SLC6A6: variants seen among roughly 807,000 people sequenced by gnomAD.
SLC6A6 encodes the protein sodium- and chloride-dependent taurine transporter.
Under a neutral mutation model 68.8 loss-of-function variants are expected in SLC6A6, and 16 were observed. The ratio of observed to expected loss-of-function variants is 0.23; its 90% CI spans 0.16 to 0.35. The LOEUF (loss-of-function observed/expected upper bound fraction) is 0.35, where lower values mean the gene tolerates loss of function less well. Among genes scored for constraint, SLC6A6 ranks in the 10% least tolerant of loss-of-function variants. The pLI, the probability that SLC6A6 is intolerant of heterozygous loss-of-function variation, is 1.00. For missense variants in SLC6A6, 474 were observed against 802.8 expected (o/e 0.59, Z 4.95); for synonymous variants, 312 against 315.4 (o/e 0.99, Z 0.12).
At position 14,488,271 on chromosome 3, in the gene SLC6A6, G is replaced by A. The variant is rs1363269288; in HGVS notation, c.*3264G>A. ...CTCCTTCCAGGACAGCATAACCCCT[G>A]GGCCATGTGCAGCTCCTTCACTGCC... On this transcript the variant is annotated 3_prime_UTR_variant, in exon 15 of 15. Transcript: ENST00000622186. 3 of 152,530 alleles carry A rather than the reference G, an allele frequency of 2.0e-5. No individual in the cohort carries two copies. The highest frequency in any genetic ancestry group is 4.4e-5 in the Non-Finnish European group (3 of 68,272). The allele number at this position is 152,530 out of a possible 1,614,324, so 9.4% of individuals were successfully genotyped here. A position where few individuals can be genotyped will look rare whatever the true frequency, so the allele number is the denominator to read the frequency against.
At chr3:14,452,018 C>T (rs1700263114) in intron 5 of SLC6A6, among the ~76,000 whole-genome samples, 1 of 152,168 alleles carries the variant, frequency 6.6e-6, no homozygotes, top group African/African-American at 2.4e-5. Context: ...CTGGCAGGTG[C>T]TGCTGGCAGG....
intron 2 of SLC6A6, among the ~76,000 whole-genome samples, chr3:14,419,645 G>A (rs1270358754): frequency 1.3e-5 from 2 of 152,196 alleles, no homozygotes; most frequent in Non-Finnish European, 2.9e-5. Flanking sequence ...TGGCACCCAG[G>A]AGGGTTAGAA....
rs1311253785 is a variant in SLC6A6, at chr3:14,468,306, AG to A, written c.1096+100del. On this transcript the variant is annotated intron_variant, in intron 9 of 14. Coordinates refer to ENST00000622186, the MANE Select transcript of SLC6A6 (RefSeq NM_003043.6). The surrounding 1 kb of genome is among the most constrained non-coding windows in gnomAD (Gnocchi z 4.5). ...TGAAGCCAGACCCCAGGGGGCTTTG[AG>A]GGGGGACGAGCCTGGTTTCTAAAAT... The A allele has an allele frequency of 9.7e-6, 10 of 1,032,306 alleles. No individual in the cohort carries two copies. Among genetic ancestry groups the A allele is most frequent in the Admixed American group, 7.2e-5 (2 of 27,896 alleles). The allele number at this position is 1,032,306 out of a possible 1,614,324, so 63.9% of individuals were successfully genotyped here.
At chr3:14,409,943 T>G (rs1699206428) in intron 1 of SLC6A6, among the ~76,000 whole-genome samples, 1 of 152,136 alleles carries the variant, frequency 6.6e-6, no homozygotes, top group African/African-American at 2.4e-5. Flanking sequence ...ATCCCAGCAC[T>G]TTGGGAGGCC....
At chr3:14,444,708 C>T (rs760057758) in intron 3 of SLC6A6, 8 of 456,386 alleles carry the variant, frequency 1.8e-5, no homozygotes, top group South Asian at 1.1e-4. Flanking sequence ...GGAATTTTCC[C>T]TTAGAGCCTG....
At chr3:14,427,102 T>A (rs1367513242) in intron 2 of SLC6A6, among the ~76,000 whole-genome samples, 1 of 152,080 alleles carries the variant, frequency 6.6e-6, no homozygotes. Flanking sequence ...GGGTGCTGGG[T>A]GTCTTCCGCA....
At position 14,468,340 on chromosome 3, in the gene SLC6A6, C is replaced by CCG. The variant is rs1553578772; in HGVS notation, c.1096+129_1096+130insGC. ...GAGCCTGGTTTCTAAAATGGACCCC[C>CCG]CCCCCGCCACCAAGATATCCCCCAA... On this transcript the variant is annotated intron_variant, in intron 9 of 14. Coordinates refer to ENST00000622186, the MANE Select transcript of SLC6A6 (RefSeq NM_003043.6). This position sits in a 1 kb window ranked among gnomAD's most constrained non-coding sequence, Gnocchi z 4.5. 31 of 728,452 alleles carry CCG rather than the reference C, an allele frequency of 4.3e-5. No homozygotes were observed. The highest frequency in any genetic ancestry group is 5.6e-5 in the African/African-American group (3 of 53,674). The allele number at this position is 728,452 out of a possible 1,614,324, so 45.1% of individuals were successfully genotyped here.
At chr3:14,454,294 G>C (rs1700320304) in intron 5 of SLC6A6, among the ~76,000 whole-genome samples, 1 of 152,176 alleles carries the variant, frequency 6.6e-6, no homozygotes, top group Admixed American at 6.5e-5. Context: ...TGTGCTGGGA[G>C]AGCTGTGTTA....
chr3:14,478,555 T>C lies in SLC6A6; in HGVS notation c.1437T>C (p.Ile479=), dbSNP rs772199160. The part of the protein sequence containing the change: ...LWVAFFECFV[I]AWIYGGDNLY... Reference sequence around the variant, plus strand: ...TTGCATTCTTTGAATGTTTTGTTATTGCCTGGATATATGGTGAGTACAGAT... The same window carrying C: ...TTGCATTCTTTGAATGTTTTGTTATCGCCTGGATATATGGTGAGTACAGAT... Residue 479 remains isoleucine, a synonymous_variant, in exon 12 of 15, where the codon ATT becomes ATC. Transcript: ENST00000622186. The C allele has an allele frequency of 1.9e-6, 3 of 1,600,518 alleles. No individual in the cohort carries two copies. In the Admixed American group the frequency reaches 5.0e-5, roughly 27 times the overall value.
intron 9 of SLC6A6, among the ~76,000 whole-genome samples, chr3:14,469,566 G>C (rs1306720354): frequency 6.6e-6 from 1 of 152,166 alleles, no homozygotes; most frequent in Non-Finnish European, 1.5e-5. Context: ...GGGATAGGTG[G>C]GGCTACAACA....
At chr3:14,466,959 G>A (rs536371157) in intron 7 of SLC6A6, among the ~76,000 whole-genome samples, 10 of 152,314 alleles carry the variant, frequency 6.6e-5, no homozygotes, top group Non-Finnish European at 8.8e-5. Context: ...CAAGTCTCCC[G>A]CTCGGACCCA....
intron 2 of SLC6A6, among the ~76,000 whole-genome samples, chr3:14,431,087 C>CAG (rs1553570404): frequency 6.6e-6 from 1 of 151,956 alleles, no homozygotes; most frequent in Non-Finnish European, 1.5e-5. Context: ...CAGGAATGGA[C>CAG]ATCGTTTAAT....
In SLC6A6 at chr3:14,477,388, C is replaced by A. The variant is rs375908001; in HGVS notation, c.1347+46C>A. 79 of 1,600,178 alleles carry A rather than the reference C, an allele frequency of 4.9e-5. No individual in the cohort carries two copies. Among genetic ancestry groups the A allele is most frequent in the Non-Finnish European group, 2.1e-5 (25 of 1,169,542 alleles). ...TGTTTCAGGCTTGGTGCTCCAGTGC[C>A]CTCCTCAAGGCCATAGTGGAGGCAG... On this transcript the variant is annotated intron_variant, in intron 11 of 14. Transcript: ENST00000622186. The surrounding 1 kb of genome is among the most constrained non-coding windows in gnomAD (Gnocchi z 4.2).
chr3:14,475,854 CTT>C (rs1700867479), intron 10 of SLC6A6, among the ~76,000 whole-genome samples: 1 of 152,222 alleles, frequency 6.6e-6, no homozygotes, highest in Non-Finnish European at 1.5e-5. Context: ...TTGGATCCCT[CTT>C]GAGAGCCTCC....
chr3:14,409,905 T>G (rs1355636686), intron 1 of SLC6A6, among the ~76,000 whole-genome samples: 2 of 152,138 alleles, frequency 1.3e-5, no homozygotes, highest in Non-Finnish European at 2.9e-5. Context: ...GAGCCATTGT[T>G]GGCCAGGCAC....
At chr3:14,425,927 C>A (rs898938416) in intron 2 of SLC6A6, among the ~76,000 whole-genome samples, 2 of 145,990 alleles carry the variant, frequency 1.4e-5, no homozygotes, top group Non-Finnish European at 3.0e-5. Context: ...GTATGCATGA[C>A]TCTCACCAAT....
At chr3:14,415,931 G>T (rs557111569) in intron 1 of SLC6A6, among the ~76,000 whole-genome samples, 1 of 152,206 alleles carries the variant, frequency 6.6e-6, no homozygotes, top group South Asian at 2.1e-4. Context: ...CTGGTGGGGC[G>T]CTCAGGAGTG....
chr3:14,467,642 G>A lies in SLC6A6; in HGVS notation c.868-211G>A, dbSNP rs145343911. Among the ~76,000 whole-genome samples the A allele has an allele frequency of 2.0e-4, 30 of 152,318 alleles. No individual in the cohort carries two copies. The East Asian group carries it at 5.4e-3, about 27-fold the overall frequency. ...ATCCTCTTAACCCTGATGCTAGGTC[G>A]CTGGGAGGTGGGGTGTTTGATTTCT... On this transcript the variant is annotated intron_variant, in intron 7 of 14. Transcript: ENST00000622186.
chr3:14,449,466 G>A (rs75140103), intron 5 of SLC6A6, among the ~76,000 whole-genome samples: 1 of 152,130 alleles, frequency 6.6e-6, no homozygotes, highest in East Asian at 1.9e-4. Flanking sequence ...GCTGTTTTTG[G>A]AGTGGCCTGA....
Sources: gnomAD v4.1 joint callset for allele counts (sites outside exome capture counted in the v4.1 genomes callset) on GRCh38, gnomAD v4.1.1 for gene constraint, Gnocchi (gnomAD v3.1) non-coding constraint, MANE v1.5 for transcripts, NCBI Gene and HGNC (gene_info 2026-07-23, HGNC 2026-07-21) for gene names.